The following HS3ST5 variants were observed in gnomAD, a reference collection of about 807,000 sequenced individuals.
The protein encoded by HS3ST5 is heparan sulfate glucosamine 3-O-sulfotransferase 5.
HS3ST5 carries 10 observed loss-of-function variants against 25.4 expected under a neutral mutation model. That is an observed-to-expected ratio of 0.39 (90% confidence interval 0.24 to 0.67). HS3ST5 has a LOEUF of 0.67. HS3ST5 is among the 30% of genes least tolerant of loss of function. HS3ST5 has a pLI of 0.44. For missense variants in HS3ST5, 324 were observed against 420.7 expected (o/e 0.77, Z 2.01); for synonymous variants, 170 against 162.4 (o/e 1.05, Z -0.36).
intron 2 of HS3ST5, among the ~76,000 whole-genome samples, chr6:114,222,256 T>A (rs888573634): frequency 1.3e-5 from 2 of 151,918 alleles, no homozygotes; most frequent in African/African-American, 4.8e-5. Context: ...GCCACATAAT[T>A]CATTTACTTG....
At chr6:114,127,577 T>C (rs73536652) in intron 3 of HS3ST5, among the ~76,000 whole-genome samples, 1,928 of 151,946 alleles carry the variant, frequency 0.013, 30 homozygotes, top group African/African-American at 0.041. Context: ...GCTAGCAGAG[T>C]TTGAGAACTA....
chr6:114,166,615 G>A (rs1016650696), intron 3 of HS3ST5, among the ~76,000 whole-genome samples: 1 of 152,184 alleles, frequency 6.6e-6, no homozygotes, highest in East Asian at 1.9e-4. Flanking sequence ...ATTACACAGG[G>A]TGAGGGAGGG....
chr6:114,290,228 C>A (rs980929887), intron 1 of HS3ST5, among the ~76,000 whole-genome samples: 16 of 152,100 alleles, frequency 1.1e-4, no homozygotes, highest in Admixed American at 5.9e-4. Flanking sequence ...TTTTCGAAGA[C>A]ACACTAAACA....
chr6:114,087,774 G>A (rs961408423), intron 3 of HS3ST5, among the ~76,000 whole-genome samples: 2 of 152,180 alleles, frequency 1.3e-5, no homozygotes, highest in Non-Finnish European at 2.9e-5. Context: ...TTCAAAACCA[G>A]ATGATTTCAA....
chr6:114,338,615 A>G (rs1776703778), intron 1 of HS3ST5, among the ~76,000 whole-genome samples: 1 of 152,036 alleles, frequency 6.6e-6, no homozygotes, highest in Admixed American at 6.6e-5. Context: ...TCTACTTTTG[A>G]TAAGGGTTAG....
chr6:114,193,168 G>A (rs1780583920), intron 2 of HS3ST5, among the ~76,000 whole-genome samples: 1 of 152,138 alleles, frequency 6.6e-6, no homozygotes, highest in South Asian at 2.1e-4. Context: ...ACTAATGGGT[G>A]GAACCCTGGA....
chr6:114,311,828 C>G (rs1161605301), intron 1 of HS3ST5, among the ~76,000 whole-genome samples: 1 of 152,128 alleles, frequency 6.6e-6, no homozygotes, highest in Non-Finnish European at 1.5e-5. Context: ...CAGGCGTGAG[C>G]CACCGTGCCC....
intron 1 of HS3ST5, among the ~76,000 whole-genome samples, chr6:114,288,506 G>C (rs1055647034): frequency 2.6e-5 from 4 of 151,956 alleles, no homozygotes; most frequent in African/African-American, 9.7e-5. Context: ...TAATGAAAAA[G>C]GACATAAGAA....
At chr6:114,124,077 G>A (rs946166131) in intron 3 of HS3ST5, among the ~76,000 whole-genome samples, 1 of 151,924 alleles carries the variant, frequency 6.6e-6, no homozygotes, top group Non-Finnish European at 1.5e-5. Flanking sequence ...TCTTCCTCCC[G>A]TGGTTTCAAG....
intron 2 of HS3ST5, among the ~76,000 whole-genome samples, chr6:114,181,501 T>G (rs1779967130): frequency 6.6e-6 from 1 of 152,246 alleles, no homozygotes; most frequent in African/African-American, 2.4e-5. Flanking sequence ...TATAAGTATT[T>G]CTTGGAATTT....
rs9384891 is a variant in HS3ST5, at chr6:114,135,542, C to G, written c.-33+32809G>C. Among the ~76,000 whole-genome samples the G allele has an allele frequency of 1.9e-4, 29 of 152,294 alleles. No homozygotes were observed. In the East Asian group the frequency reaches 5.6e-3, roughly 29 times the overall value. On this transcript the variant is annotated intron_variant, in intron 3 of 4. Transcript: ENST00000312719. Reference sequence around the variant, plus strand: ...ACAGGCGGGTGCCAGCACAGCTGACCTGTGTCTTGTTCTCACTCTGCTCCT... The same window carrying G: ...ACAGGCGGGTGCCAGCACAGCTGACGTGTGTCTTGTTCTCACTCTGCTCCT...
At chr6:114,160,783 AAT>A (rs1031803982) in intron 3 of HS3ST5, among the ~76,000 whole-genome samples, 3 of 152,114 alleles carry the variant, frequency 2.0e-5, no homozygotes, top group Non-Finnish European at 4.4e-5. Context: ...TTCTCAAAGA[AAT>A]ATGTTACTCA....
At chr6:114,246,629 G>C (rs1428105458) in intron 1 of HS3ST5, among the ~76,000 whole-genome samples, 1 of 152,138 alleles carries the variant, frequency 6.6e-6, no homozygotes, top group Non-Finnish European at 1.5e-5. Flanking sequence ...TTCCTATTAA[G>C]AGAAGAAAAG....
intron 2 of HS3ST5, among the ~76,000 whole-genome samples, chr6:114,221,292 A>T (rs976237828): frequency 6.6e-6 from 1 of 152,028 alleles, no homozygotes; most frequent in African/African-American, 2.4e-5. Context: ...TTTTAATAAA[A>T]TTACCTATAA....
At chr6:114,087,366 T>G (rs1013925824) in intron 3 of HS3ST5, among the ~76,000 whole-genome samples, 5 of 152,192 alleles carry the variant, frequency 3.3e-5, no homozygotes, top group African/African-American at 1.2e-4. Flanking sequence ...CAGGTGTCAC[T>G]TGCCCCATTT....
At chr6:114,180,958 G>A (rs2115023409) in intron 2 of HS3ST5, among the ~76,000 whole-genome samples, 1 of 152,318 alleles carries the variant, frequency 6.6e-6, no homozygotes, top group Non-Finnish European at 1.5e-5. Context: ...CACACTTGCT[G>A]CAGTAACTTT....
intron 3 of HS3ST5, among the ~76,000 whole-genome samples, chr6:114,116,969 T>C (rs1259470097): frequency 6.6e-6 from 1 of 152,050 alleles, no homozygotes; most frequent in Non-Finnish European, 1.5e-5. Context: ...GAAAATCAAC[T>C]CTCCTTATTC....
chr6:114,088,734 GTA>G (rs889888513), intron 3 of HS3ST5, among the ~76,000 whole-genome samples: 13 of 152,018 alleles, frequency 8.6e-5, no homozygotes, highest in African/African-American at 2.9e-4. Flanking sequence ...AGATATGTGT[GTA>G]TATATATACA....
At chr6:114,221,334 A>T (rs1273529054) in intron 2 of HS3ST5, among the ~76,000 whole-genome samples, 1 of 152,026 alleles carries the variant, frequency 6.6e-6, no homozygotes, top group Non-Finnish European at 1.5e-5. Context: ...AAATACATAT[A>T]GTACATAAAA....
Sources: gnomAD v4.1 joint callset for allele counts (sites outside exome capture counted in the v4.1 genomes callset) on GRCh38, gnomAD v4.1.1 for gene constraint, MANE v1.5 for transcripts, NCBI Gene and HGNC (gene_info 2026-07-23, HGNC 2026-07-21) for gene names.